The following AK8 variants were observed in gnomAD, a reference collection of about 807,000 sequenced individuals.
AK8 encodes ATP-AMP transphosphorylase 8.
A neutral mutation model predicts 54.6 loss-of-function variants in AK8; 44 were observed. The observed-to-expected ratio is 0.81, with a 90% confidence interval of 0.63 to 1.04. The LOEUF (loss-of-function observed/expected upper bound fraction) is 1.04. AK8 is among the 50% of genes least tolerant of loss of function. The probability of loss-of-function intolerance (pLI) is 0.00; values close to 1 mark genes in which losing one functional copy is unlikely to be tolerated. For missense variants in AK8, 555 were observed against 613.6 expected (o/e 0.90, Z 1.01); for synonymous variants, 239 against 245.6 (o/e 0.97, Z 0.25).
At chr9:132,828,188 T>C (rs1841958113) in intron 6 of AK8, 104 bp from the exon 7 acceptor site, 2 of 1,011,280 alleles carry the variant, frequency 2.0e-6, no homozygotes, top group African/African-American at 3.3e-5. Context: ...TGCTTTTCTG[T>C]ATAATGACAT....
rs373786902 is a variant in AK8 at position 132,841,200 on chromosome 9, G to A, written c.403-12474C>T. Among the ~76,000 whole-genome samples, 22 of 152,206 alleles carry A rather than the reference G, an allele frequency of 1.4e-4. 1 individual carries two copies. The highest frequency in any genetic ancestry group is 3.9e-4 in the African/African-American group (16 of 41,454). ...AAAAGCACTGCAGCCCGAGCAGGCTGTCCACACCAGTCCCTGTCTGAGTGT... is the reference window on the plus strand; with the variant it reads ...AAAAGCACTGCAGCCCGAGCAGGCTATCCACACCAGTCCCTGTCTGAGTGT... On this transcript the variant is annotated intron_variant, in intron 5 of 12. Transcript: ENST00000298545.
intron 5 of AK8, among the ~76,000 whole-genome samples, chr9:132,831,348 G>T (rs1030846637): frequency 6.6e-6 from 1 of 151,904 alleles, no homozygotes; most frequent in Admixed American, 6.6e-5. Flanking sequence ...ATGCATTATC[G>T]TCTCATGTGC....
intron 8 of AK8, among the ~76,000 whole-genome samples, 196 bp from the exon 9 acceptor site, chr9:132,823,532 G>A (rs1211007962): frequency 1.3e-5 from 2 of 152,224 alleles, no homozygotes; most frequent in Non-Finnish European, 2.9e-5. Context: ...GGCAGGGAGC[G>A]AGGAGTGAAG....
chr9:132,820,612 C>T (rs771754985), intron 9 of AK8, among the ~76,000 whole-genome samples: 3 of 152,186 alleles, frequency 2.0e-5, no homozygotes, highest in Non-Finnish European at 2.9e-5. Flanking sequence ...ACAGGGTTTG[C>T]GCAGTTAGTG....
At chr9:132,745,560 C>T (rs745956468) in intron 11 of AK8, among the ~76,000 whole-genome samples, 13 of 152,074 alleles carry the variant, frequency 8.5e-5, no homozygotes, top group African/African-American at 1.9e-4. Flanking sequence ...GCTCAGCATG[C>T]GATCGCCTTT....
chr9:132,872,211 CTGT>C, intron 2 of AK8, among the ~76,000 whole-genome samples: 3 of 152,274 alleles, frequency 2.0e-5, no homozygotes, highest in Admixed American at 2.0e-4. Flanking sequence ...TAGCATGCAC[CTGT>C]AGTCCCAACT....
At chr9:132,733,889 G>T (rs1257360041) in intron 11 of AK8, among the ~76,000 whole-genome samples, 1 of 152,160 alleles carries the variant, frequency 6.6e-6, no homozygotes, top group Non-Finnish European at 1.5e-5. Flanking sequence ...CACTCTACCT[G>T]CCCCTGGGAT....
At chr9:132,876,825 G>A (rs891199623) in intron 1 of AK8, among the ~76,000 whole-genome samples, 2 of 152,116 alleles carry the variant, frequency 1.3e-5, no homozygotes, top group East Asian at 1.9e-4. Context: ...TTGGGAGGCC[G>A]AGGCAGAAGG....
At chr9:132,760,213 T>A (rs1204637748) in intron 11 of AK8, among the ~76,000 whole-genome samples, 1 of 152,022 alleles carries the variant, frequency 6.6e-6, no homozygotes, top group East Asian at 1.9e-4. Context: ...AGATGGGGTC[T>A]TGCTGTGTTG....
intron 10 of AK8, among the ~76,000 whole-genome samples, chr9:132,805,100 G>C (rs1250384061): frequency 6.6e-6 from 1 of 152,210 alleles, no homozygotes; most frequent in Non-Finnish European, 1.5e-5. Context: ...AGAAGGCCCG[G>C]GGCCTCCAGG....
chr9:132,789,262 C>T lies in AK8; in HGVS notation c.1121+3372G>A, dbSNP rs190647618. Among the ~76,000 whole-genome samples the T allele has an allele frequency of 4.8e-3, 728 of 151,718 alleles. 5 individuals are homozygous for T. Among genetic ancestry groups the T allele is most frequent in the African/African-American group, 0.017 (699 of 41,324 alleles). ...GTGAGCCAAGATCGCGCCATGCACTCCAGCCTGGGAGACAGAGCGAGACTC... is the reference window on the plus strand; with the variant it reads ...GTGAGCCAAGATCGCGCCATGCACTTCAGCCTGGGAGACAGAGCGAGACTC... On this transcript the variant is annotated intron_variant, in intron 11 of 12. Transcript: ENST00000298545.
intron 11 of AK8, among the ~76,000 whole-genome samples, chr9:132,758,936 G>T (rs1315199355): frequency 6.6e-6 from 1 of 152,028 alleles, no homozygotes; most frequent in Non-Finnish European, 1.5e-5. Flanking sequence ...GACAGCGCAT[G>T]CCTGTAATCC....
In AK8 at chr9:132,755,395, A is replaced by C. The variant is rs144104011; in HGVS notation, c.1122-27861T>G. Among the ~76,000 whole-genome samples the C allele has an allele frequency of 3.7e-3, 557 of 152,258 alleles. 4 individuals carry two copies. Among genetic ancestry groups the C allele is most frequent in the African/African-American group, 0.013 (531 of 41,556 alleles). On this transcript the variant is annotated intron_variant, in intron 11 of 12. Coordinates refer to ENST00000298545, the MANE Select transcript of AK8 (RefSeq NM_152572.3). ...GCCTCGACCCGTCCCACCTGATTGC[A>C]CCGGCTCTAAGGCAAACCTCAAAGA...
chr9:132,814,478 C>T (rs547966920), intron 10 of AK8, among the ~76,000 whole-genome samples, 160 bp downstream of exon 10: 9 of 152,118 alleles, frequency 5.9e-5, no homozygotes, highest in Non-Finnish European at 8.8e-5. Flanking sequence ...GAGGCCTTAC[C>T]GGAAGCAAGC....
intron 4 of AK8, chr9:132,861,255 G>C (rs1004877495): frequency 6.6e-6 from 1 of 152,252 alleles, no homozygotes; most frequent in African/African-American, 2.4e-5. Flanking sequence ...GCTTTGCTTA[G>C]TGTAACTGTG....
intron 11 of AK8, among the ~76,000 whole-genome samples, chr9:132,745,106 G>A (rs748498928): frequency 6.6e-6 from 1 of 152,092 alleles, no homozygotes; most frequent in African/African-American, 2.4e-5. Context: ...TTCTGCCACC[G>A]TTCATCCGAT....
intron 5 of AK8, among the ~76,000 whole-genome samples, chr9:132,840,674 C>G (rs573953831): frequency 1.3e-4 from 20 of 152,248 alleles, no homozygotes; most frequent in African/African-American, 4.8e-4. Flanking sequence ...AGGTGGATCA[C>G]CTGAAGTCAG....
In AK8 at chr9:132,867,293, T is replaced by A. The variant is rs138285177; in HGVS notation, c.170-340A>T. Among the ~76,000 whole-genome samples, 748 of 152,360 alleles carry A rather than the reference T, an allele frequency of 4.9e-3. 7 individuals are homozygous for A. The highest frequency in any genetic ancestry group is 0.017 in the African/African-American group (689 of 41,572). On this transcript the variant is annotated intron_variant, in intron 2 of 12. Transcript: ENST00000298545. ...TTTGTCTCAGGAACGCTCTCTCCAATAAGGCTGTAATTTATGCAAATCGAC... is the reference window on the plus strand; with the variant it reads ...TTTGTCTCAGGAACGCTCTCTCCAAAAAGGCTGTAATTTATGCAAATCGAC...
intron 5 of AK8, among the ~76,000 whole-genome samples, chr9:132,850,589 G>A (rs214631): frequency 0.36 from 54,481 of 151,958 alleles, 11,843 homozygotes; most frequent in South Asian, 0.57. Context: ...GTAAAGACAG[G>A]GTTTTGCCAT....
Sources: gnomAD v4.1 joint callset for allele counts (sites outside exome capture counted in the v4.1 genomes callset) on GRCh38, gnomAD v4.1.1 for gene constraint, MANE v1.5 for transcripts, NCBI Gene and HGNC (gene_info 2026-07-23, HGNC 2026-07-21) for gene names.